LOC128706665: variants seen among roughly 807,000 people sequenced by gnomAD.
chr20:10,416,444 T>C, the LOC128706665 span, among the ~76,000 whole-genome samples: 1 of 151,934 alleles, frequency 6.6e-6, no homozygotes, highest in Non-Finnish European at 1.5e-5. Context: ...AGGAGTCAAC[T>C]TGGAGAGGAT....
At chr20:10,427,579 T>C in the LOC128706665 span, among the ~76,000 whole-genome samples, 1 of 152,136 alleles carries the variant, frequency 6.6e-6, no homozygotes, top group Non-Finnish European at 1.5e-5. Context: ...CAAAAGTTAT[T>C]TTTTATCCTC....
At chr20:10,427,865 C>A in the LOC128706665 span, among the ~76,000 whole-genome samples, 2 of 152,142 alleles carry the variant, frequency 1.3e-5, no homozygotes, top group Non-Finnish European at 2.9e-5. Flanking sequence ...CAAATCCTAC[C>A]ACCTTCCCCA....
the LOC128706665 span, among the ~76,000 whole-genome samples, chr20:10,416,397 G>A: frequency 2.0e-5 from 3 of 151,972 alleles, no homozygotes; most frequent in African/African-American, 4.8e-5. Context: ...TAAAGACTAC[G>A]TGGGTCATAT....
chr20:10,424,721 CT>C, the LOC128706665 span, among the ~76,000 whole-genome samples: 1 of 152,094 alleles, frequency 6.6e-6, no homozygotes, highest in Non-Finnish European at 1.5e-5. Flanking sequence ...AAATTTAGCA[CT>C]TTTTTTCTTC....
the LOC128706665 span, among the ~76,000 whole-genome samples, chr20:10,425,520 T>C: frequency 6.6e-6 from 1 of 152,236 alleles, no homozygotes; most frequent in South Asian, 2.1e-4. Flanking sequence ...AGGTTCATGA[T>C]ACTGAGAAGC....
the LOC128706665 span, among the ~76,000 whole-genome samples, chr20:10,419,116 G>A: frequency 6.6e-6 from 1 of 152,004 alleles, no homozygotes; most frequent in Admixed American, 6.6e-5. Flanking sequence ...CTCAGACCAA[G>A]GCTTATAAAT....
At chr20:10,415,311 C>A in the LOC128706665 span, among the ~76,000 whole-genome samples, 1 of 152,144 alleles carries the variant, frequency 6.6e-6, no homozygotes, top group Non-Finnish European at 1.5e-5. Context: ...TAAAGTACTT[C>A]CTAAAAGTAG....
chr20:10,418,932 G>A, the LOC128706665 span, among the ~76,000 whole-genome samples: 7 of 152,126 alleles, frequency 4.6e-5, no homozygotes, highest in Admixed American at 3.3e-4. Flanking sequence ...TATATAGAAT[G>A]TCCTAAAGTT....
the LOC128706665 span, among the ~76,000 whole-genome samples, chr20:10,421,870 T>C: frequency 6.6e-6 from 1 of 151,982 alleles, no homozygotes; most frequent in Non-Finnish European, 1.5e-5. Flanking sequence ...GGAACTTGAA[T>C]CTGGACAACC....
the LOC128706665 span, among the ~76,000 whole-genome samples, chr20:10,428,027 A>G: frequency 2.6e-5 from 4 of 152,240 alleles, no homozygotes; most frequent in African/African-American, 7.2e-5. Flanking sequence ...ATTGCTGTGA[A>G]TTTAATGTAT....
At chr20:10,426,402 C>T in the LOC128706665 span, among the ~76,000 whole-genome samples, 3 of 149,624 alleles carry the variant, frequency 2.0e-5, no homozygotes, top group African/African-American at 7.4e-5. Context: ...TCATGCCTGG[C>T]ATGTTGTTCT....
chr20:10,421,132 A>T, the LOC128706665 span, among the ~76,000 whole-genome samples: 1 of 152,144 alleles, frequency 6.6e-6, no homozygotes, highest in African/African-American at 2.4e-5. Context: ...TATATTTTTT[A>T]AAAATTATAA....
the LOC128706665 span, among the ~76,000 whole-genome samples, chr20:10,417,757 A>G: frequency 6.6e-6 from 1 of 152,204 alleles, no homozygotes; most frequent in Non-Finnish European, 1.5e-5. Flanking sequence ...ATTCCACAGT[A>G]CCATCCATGA....
At chr20:10,420,377 AACTGC>A in the LOC128706665 span, among the ~76,000 whole-genome samples, 1 of 152,200 alleles carries the variant, frequency 6.6e-6, no homozygotes. Context: ...TTCTAGAAAC[AACTGC>A]AGAATAGTAT....
chr20:10,431,097 G>A, the LOC128706665 span, among the ~76,000 whole-genome samples: 1 of 152,130 alleles, frequency 6.6e-6, no homozygotes, highest in Admixed American at 6.5e-5. Context: ...CTAGCATGTG[G>A]GAAGTGCTCA....
the LOC128706665 span, among the ~76,000 whole-genome samples, chr20:10,422,659 A>G: frequency 6.6e-6 from 1 of 152,026 alleles, no homozygotes; most frequent in Non-Finnish European, 1.5e-5. Flanking sequence ...TCAATACTTA[A>G]GGTGACTTTG....
the LOC128706665 span, among the ~76,000 whole-genome samples, chr20:10,419,493 A>T: frequency 6.6e-6 from 1 of 152,194 alleles, no homozygotes; most frequent in East Asian, 1.9e-4. Context: ...TCCCCCATTT[A>T]TCTATGAGGG....
At chr20:10,426,811 A>G in the LOC128706665 span, among the ~76,000 whole-genome samples, 1 of 152,214 alleles carries the variant, frequency 6.6e-6, no homozygotes, top group African/African-American at 2.4e-5. Flanking sequence ...AAACAAAAAA[A>G]TTAGAGGGCA....
the LOC128706665 span, among the ~76,000 whole-genome samples, chr20:10,415,096 T>C: frequency 6.6e-6 from 1 of 152,158 alleles, no homozygotes; most frequent in Non-Finnish European, 1.5e-5. Flanking sequence ...GTAGTGTCCT[T>C]GCTAAAAAAA....
Sources: allele counts gnomAD v4.1 joint callset (sites outside exome capture counted in the v4.1 genomes callset), GRCh38; gene constraint gnomAD v4.1.1; transcripts MANE v1.5.